RBFOX1: variants seen among roughly 807,000 people sequenced by gnomAD.
RBFOX1 encodes RNA binding protein fox-1 homolog 1.
RBFOX1 carries 8 observed loss-of-function variants against 57.7 expected under a neutral mutation model. That is an observed-to-expected ratio of 0.14 (90% CI 0.08 to 0.25). The LOEUF (loss-of-function observed/expected upper bound fraction) is 0.25, where lower values mean the gene tolerates loss of function less well. RBFOX1 is among the 10% of genes least tolerant of loss of function. The probability of loss-of-function intolerance (pLI) is 1.00; values close to 1 mark genes in which losing one functional copy is unlikely to be tolerated. For synonymous variants in RBFOX1, 326 were observed against 222.4 expected, an observed-to-expected ratio of 1.47 and a Z score of -4.15; for missense variants, 611 against 548.5, an observed-to-expected ratio of 1.11 and a Z score of -1.14.
chr16:7,302,954 A>T (rs2096068874), intron 4 of RBFOX1, among the ~76,000 whole-genome samples: 1 of 152,086 alleles, frequency 6.6e-6, no homozygotes, highest in African/African-American at 2.4e-5. Flanking sequence ...AGAATAAAAA[A>T]AATAAATAAA....
chr16:7,440,129 C>G (rs1216618997), intron 4 of RBFOX1, among the ~76,000 whole-genome samples: 1 of 151,688 alleles, frequency 6.6e-6, no homozygotes, highest in East Asian at 1.9e-4. Context: ...CTCCTGGGCT[C>G]AAGAGACCTG....
At chr16:5,512,322 G>T (rs1168542229) in intron 2 of RBFOX1, among the ~76,000 whole-genome samples, 1 of 152,128 alleles carries the variant, frequency 6.6e-6, no homozygotes, top group Non-Finnish European at 1.5e-5. Context: ...CTTCTCCATA[G>T]ATTTACTGCC....
At chr16:5,353,128 C>T (rs1343082856) in intron 1 of RBFOX1, among the ~76,000 whole-genome samples, 1 of 152,100 alleles carries the variant, frequency 6.6e-6, no homozygotes, top group Non-Finnish European at 1.5e-5. Flanking sequence ...AATCCCAGCA[C>T]TTTGGGAAGC....
chr16:7,671,347 C>G (rs1475967221), intron 13 of RBFOX1, among the ~76,000 whole-genome samples: 1 of 152,166 alleles, frequency 6.6e-6, no homozygotes, highest in Non-Finnish European at 1.5e-5. Context: ...CCATCTCCAC[C>G]TTGATACTCT....
intron 3 of RBFOX1, among the ~76,000 whole-genome samples, chr16:6,662,770 G>A (rs566926167): frequency 6.6e-6 from 1 of 151,936 alleles, no homozygotes; most frequent in East Asian, 1.9e-4. Flanking sequence ...GAATGACAGT[G>A]TTTTACTTTT....
chr16:7,091,594 C>T (rs1355582396), intron 4 of RBFOX1, among the ~76,000 whole-genome samples: 1 of 152,140 alleles, frequency 6.6e-6, no homozygotes, highest in African/African-American at 2.4e-5. Flanking sequence ...CCTCTACCTC[C>T]CAGAGTGTGT....
At chr16:6,629,973 T>TTTAAA (rs201032968) in intron 2 of RBFOX1, among the ~76,000 whole-genome samples, 29 of 129,980 alleles carry the variant, frequency 2.2e-4, no homozygotes, top group African/African-American at 3.4e-4. Context: ...TTTTTTTTTT[T>TTTAAA]AAAAAAAAAA....
chr16:7,008,231 T>G (rs2093414109), intron 3 of RBFOX1, among the ~76,000 whole-genome samples: 1 of 152,126 alleles, frequency 6.6e-6, no homozygotes, highest in Non-Finnish European at 1.5e-5. Context: ...TTTGAATGAA[T>G]AGCTTAAAGT....
intron 3 of RBFOX1, among the ~76,000 whole-genome samples, chr16:5,715,284 G>A (rs1259851055): frequency 6.6e-6 from 1 of 152,166 alleles, no homozygotes; most frequent in Non-Finnish European, 1.5e-5. Flanking sequence ...CCTTGTGGAT[G>A]ATTAAACTGT....
At chr16:7,602,319 G>C (rs1453819580) in intron 9 of RBFOX1, among the ~76,000 whole-genome samples, 1 of 152,160 alleles carries the variant, frequency 6.6e-6, no homozygotes, top group Non-Finnish European at 1.5e-5. Flanking sequence ...AACTGCTTGC[G>C]TATCTGATAC....
chr16:5,598,367 C>T (rs940404857), intron 2 of RBFOX1, among the ~76,000 whole-genome samples: 11 of 152,110 alleles, frequency 7.2e-5, no homozygotes, highest in African/African-American at 1.2e-4. Flanking sequence ...GAGAAACATC[C>T]GGACCAGCAC....
At chr16:6,768,019 T>C (rs2077654001) in intron 3 of RBFOX1, among the ~76,000 whole-genome samples, 1 of 147,480 alleles carries the variant, frequency 6.8e-6, no homozygotes, top group Non-Finnish European at 1.5e-5. Context: ...AAACTGGGAG[T>C]ACAGAAGTGG....
At chr16:5,887,417 T>C (rs371867410) in intron 4 of RBFOX1, among the ~76,000 whole-genome samples, 1 of 152,192 alleles carries the variant, frequency 6.6e-6, no homozygotes, top group Non-Finnish European at 1.5e-5. Context: ...TTGTTTGTTT[T>C]GTGAGATGTA....
intron 5 of RBFOX1, among the ~76,000 whole-genome samples, chr16:7,542,535 AAG>A (rs2083227681): frequency 6.6e-6 from 1 of 151,942 alleles, no homozygotes; most frequent in African/African-American, 2.4e-5. Context: ...AGGAAGGGGA[AAG>A]AGAAACAGAA....
intron 4 of RBFOX1, among the ~76,000 whole-genome samples, chr16:7,401,289 C>G (rs778143698): frequency 1.3e-5 from 2 of 152,146 alleles, no homozygotes; most frequent in Non-Finnish European, 2.9e-5. Context: ...AAAGGTGAAG[C>G]TTTTCATATT....
intron 3 of RBFOX1, among the ~76,000 whole-genome samples, chr16:5,812,860 C>G (rs929450321): frequency 6.6e-6 from 1 of 152,112 alleles, no homozygotes; most frequent in African/African-American, 2.4e-5. Flanking sequence ...TGTTGAGTAT[C>G]TTTCAACTTC....
chr16:6,934,118 C>G (rs1473283372), intron 3 of RBFOX1, among the ~76,000 whole-genome samples: 1 of 152,110 alleles, frequency 6.6e-6, no homozygotes, highest in East Asian at 1.9e-4. Flanking sequence ...TCCTCTGCCA[C>G]CCATAGTGAG....
chr16:6,331,473 A>G (rs1430416258), intron 2 of RBFOX1, among the ~76,000 whole-genome samples: 1 of 151,932 alleles, frequency 6.6e-6, no homozygotes, highest in African/African-American at 2.4e-5. Context: ...ACATTGGCTT[A>G]GAATAGGGGT....
intron 4 of RBFOX1, among the ~76,000 whole-genome samples, chr16:7,193,949 G>T (rs2152664619): frequency 6.7e-6 from 1 of 149,898 alleles, no homozygotes; most frequent in East Asian, 1.9e-4. Flanking sequence ...TCTATCTCTA[G>T]CTATCTTTTT....
Sources: gnomAD v4.1 joint callset for allele counts (sites outside exome capture counted in the v4.1 genomes callset) on GRCh38, gnomAD v4.1.1 for gene constraint, MANE v1.5 for transcripts, NCBI Gene and HGNC (gene_info 2026-07-23, HGNC 2026-07-21) for gene names.